Variants in CLEC6A observed in about 807,000 individuals in gnomAD.
The protein encoded by CLEC6A is C-type lectin domain containing 6A.
In CLEC6A, 22 loss-of-function variants were observed where a neutral mutation model predicts 25.7. That is an observed-to-expected ratio of 0.85 (90% CI 0.61 to 1.22). The LOEUF (loss-of-function observed/expected upper bound fraction) is 1.22, where lower values mean the gene tolerates loss of function less well. Ranked by LOEUF, CLEC6A falls within the 50% of genes most tolerant of loss-of-function variation. The probability of loss-of-function intolerance (pLI) is 0.00; values close to 1 mark genes in which losing one functional copy is unlikely to be tolerated. For missense variants in CLEC6A, 240 were observed against 236.8 expected, an observed-to-expected ratio of 1.01 and a Z score of -0.09; for synonymous variants, 92 against 76.7, an observed-to-expected ratio of 1.20 and a Z score of -1.04.
intron 4 of CLEC6A, among the ~76,000 whole-genome samples, chr12:8,467,196 G>A (rs4427631): frequency 0.77 from 117,539 of 152,032 alleles, 45,895 homozygotes; most frequent in East Asian, 0.99. Flanking sequence ...TTTTAGTTTG[G>A]TGGAGTTCCA....
chr12:8,457,146 T>G (rs1198122148), intron 1 of CLEC6A, among the ~76,000 whole-genome samples: 1 of 152,114 alleles, frequency 6.6e-6, no homozygotes, highest in African/African-American at 2.4e-5. Context: ...TATCCTGCTG[T>G]GCTAAGGGAC....
intron 3 of CLEC6A, chr12:8,460,808 T>A (rs1367755975): frequency 8.2e-7 from 1 of 1,226,850 alleles, no homozygotes; most frequent in East Asian, 2.3e-5. Context: ...ATATATAGGA[T>A]TCGTGTTAGC....
At chr12:8,465,220 T>C (rs758424654) in intron 3 of CLEC6A, among the ~76,000 whole-genome samples, 23 of 145,974 alleles carry the variant, frequency 1.6e-4, no homozygotes, top group Non-Finnish European at 2.4e-4. Flanking sequence ...ATAAGGGACA[T>C]GAAAAACAAA....
chr12:8,456,099 G>A lies in CLEC6A; in HGVS notation c.-13G>A. On this transcript the variant is annotated 5_prime_UTR_variant, in exon 1 of 6. Coordinates refer to ENST00000382073, the MANE Select transcript of CLEC6A (RefSeq NM_001007033.2). ...AAGGTTCCTGGACCTTCTCAACACA[G>A]GGAGCCTGCATAATGATGCAAGAGC... 1 of 1,613,654 alleles carries A rather than the reference G, an allele frequency of 6.2e-7. No individual in the cohort carries two copies. Among genetic ancestry groups the A allele is most frequent in the Non-Finnish European group, 8.5e-7 (1 of 1,179,728 alleles).
intron 4 of CLEC6A, among the ~76,000 whole-genome samples, chr12:8,470,819 C>T (rs927650920): frequency 1.3e-5 from 2 of 151,986 alleles, no homozygotes; most frequent in Non-Finnish European, 2.9e-5. Flanking sequence ...GGTATGGGTG[C>T]ACCAAAATAT....
intron 3 of CLEC6A, among the ~76,000 whole-genome samples, chr12:8,462,725 A>G (rs963756174): frequency 5.9e-5 from 9 of 152,004 alleles, no homozygotes; most frequent in Non-Finnish European, 1.2e-4. Context: ...AAAATGATCA[A>G]TAAATACTAA....
chr12:8,465,659 T>G, intron 4 of CLEC6A, 30 bp downstream of exon 4: 1 of 1,589,544 alleles, frequency 6.3e-7, no homozygotes, highest in Non-Finnish European at 8.6e-7. Flanking sequence ...TTTATTTAAT[T>G]GTAGAGAAAA....
rs1939995214 is a variant in CLEC6A, at chr12:8,477,618, T to C, written c.*154T>C. On this transcript the variant is annotated 3_prime_UTR_variant, in exon 6 of 6. Coordinates refer to ENST00000382073, the MANE Select transcript of CLEC6A (RefSeq NM_001007033.2). ...GTTCACAGAAATGGAAAGATACCTG[T>C]TTCCCTTTAATCAATCTTCTCGTTT... 3.9e-6 allele frequency: 2 copies of C among 516,916 alleles called. No individual in the cohort carries two copies. The highest frequency in any genetic ancestry group is 7.0e-5 in the South Asian group (2 of 28,382). The allele number at this position is 516,916 out of a possible 1,614,324, so 32.0% of individuals were successfully genotyped here.
intron 2 of CLEC6A, among the ~76,000 whole-genome samples, chr12:8,459,272 G>C (rs915506373): frequency 3.9e-5 from 6 of 152,054 alleles, no homozygotes; most frequent in African/African-American, 1.4e-4. Context: ...CATAGTAGGT[G>C]TATATATTTA....
At chr12:8,457,858 C>G in intron 1 of CLEC6A, 40 bp from the exon 2 acceptor site, 1 of 1,486,576 alleles carries the variant, frequency 6.7e-7, no homozygotes, top group Non-Finnish European at 9.4e-7. Flanking sequence ...GGCTCCCTGG[C>G]CCCCTGGTAA....
At chr12:8,465,652 A>C (rs764896562) in intron 4 of CLEC6A, 23 bp downstream of exon 4, 3 of 1,596,084 alleles carry the variant, frequency 1.9e-6, no homozygotes, top group Non-Finnish European at 2.6e-6. Flanking sequence ...TTTAAAATTT[A>C]TTTAATTGTA....
chr12:8,475,308 G>A (rs1939958436), intron 4 of CLEC6A, among the ~76,000 whole-genome samples: 1 of 150,382 alleles, frequency 6.6e-6, no homozygotes, highest in Non-Finnish European at 1.5e-5. Context: ...CAGTCAACGT[G>A]CTCCAGAAAA....
In CLEC6A at chr12:8,460,638, C is replaced by T; in HGVS notation, c.223+940C>T. 2.1e-6 allele frequency: 3 copies of T among 1,462,326 alleles called. No homozygotes were observed. The South Asian group carries it at 3.4e-5, about 17-fold the overall frequency. The allele number at this position is 1,462,326 out of a possible 1,614,324, so 90.6% of individuals were successfully genotyped here. On this transcript the variant is annotated intron_variant, in intron 3 of 5. Coordinates refer to ENST00000382073, the MANE Select transcript of CLEC6A (RefSeq NM_001007033.2). The stretch of plus-strand genomic sequence containing the variant: ...TCAAGATGGGTGCATACAAGTATAT[C>T]CAGGAGCTATGGAGAAAGAAGCAGT...
intron 4 of CLEC6A, among the ~76,000 whole-genome samples, chr12:8,475,644 T>C (rs1939963957): frequency 6.6e-6 from 1 of 152,032 alleles, no homozygotes; most frequent in South Asian, 2.1e-4. Flanking sequence ...CCTCTGCCTT[T>C]TGTTCTATTC....
intron 3 of CLEC6A, among the ~76,000 whole-genome samples, chr12:8,464,360 C>G (rs1407063497): frequency 6.7e-6 from 1 of 150,102 alleles, no homozygotes; most frequent in African/African-American, 2.5e-5. Flanking sequence ...GACGGAGTCT[C>G]TCTCTGTCGC....
chr12:8,461,584 T>C (rs1185002793), intron 3 of CLEC6A, among the ~76,000 whole-genome samples: 1 of 152,222 alleles, frequency 6.6e-6, no homozygotes, highest in Non-Finnish European at 1.5e-5. Context: ...GAAAAGCTTA[T>C]GTGATAAAAT....
rs1939819346 is a variant in CLEC6A, at chr12:8,465,567, A to C, written c.307A>C (p.Ser103Arg). The change falls in exon 4 of 6, where the codon AGT becomes CGT. Residue 103 changes from serine to arginine, a missense_variant. Ser to Arg is a moderately radical substitution (Grantham distance 110, BLOSUM62 -1). Transcript: ENST00000382073. ...CAGTGAAGAGAAGGTTTGGTCTAAG[A>C]GTGAGCAGAACTGTGTTGAGATGGG... Reference protein sequence around the residue: ...ISSEEKVWSKSEQNCVEMGAH... With the variant: ...ISSEEKVWSKREQNCVEMGAH... The C allele has an allele frequency of 6.2e-7, 1 of 1,614,104 alleles. No individual in the cohort carries two copies. The highest frequency in any genetic ancestry group is 1.3e-5 in the African/African-American group (1 of 75,022).
At position 8,467,262 on chromosome 12, in the gene CLEC6A, T is replaced by C. The variant is rs78055995; in HGVS notation, c.369+1633T>C. Among the ~76,000 whole-genome samples the C allele has an allele frequency of 5.0e-3, 764 of 152,346 alleles. 10 individuals are homozygous for C. Among genetic ancestry groups the C allele is most frequent in the African/African-American group, 0.018 (729 of 41,586 alleles). On this transcript the variant is annotated intron_variant, in intron 4 of 5. Coordinates refer to ENST00000382073, the MANE Select transcript of CLEC6A (RefSeq NM_001007033.2). ...GATTTTGGTTTCATATCCAATACAT[T>C]GCTAATTTCAATGTCATGAATCTTT...
chr12:8,456,706 G>A (rs1180082698), intron 1 of CLEC6A, among the ~76,000 whole-genome samples: 2 of 152,124 alleles, frequency 1.3e-5, no homozygotes, highest in Non-Finnish European at 2.9e-5. Context: ...AATATGATGC[G>A]TAATGGTAAA....
Sources: gnomAD v4.1 joint callset for allele counts (sites outside exome capture counted in the v4.1 genomes callset) on GRCh38, gnomAD v4.1.1 for gene constraint, MANE v1.5 for transcripts, NCBI Gene and HGNC (gene_info 2026-07-23, HGNC 2026-07-21) for gene names.